MTUS2: variants seen among roughly 807,000 people sequenced by gnomAD.
MTUS2 encodes the protein microtubule-associated tumor suppressor candidate 2.
MTUS2 carries 40 observed loss-of-function variants against 114.1 expected under a neutral mutation model. The ratio of observed to expected loss-of-function variants is 0.35; its 90% confidence interval spans 0.27 to 0.46. The LOEUF (loss-of-function observed/expected upper bound fraction) is 0.46, where lower values mean the gene tolerates loss of function less well. Ranked by LOEUF, MTUS2 falls within the 20% of genes least tolerant of loss-of-function variation. The pLI, the probability that MTUS2 is intolerant of heterozygous loss-of-function variation, is 1.00. For missense variants in MTUS2, 1,679 were observed against 1,705.4 expected, an observed-to-expected ratio of 0.98 and a Z score of 0.27; for synonymous variants, 688 against 672.0, an observed-to-expected ratio of 1.02 and a Z score of -0.37.
chr13:29,277,753 A>G (rs960031191), intron 5 of MTUS2, among the ~76,000 whole-genome samples: 1 of 152,194 alleles, frequency 6.6e-6, no homozygotes, highest in Non-Finnish European at 1.5e-5. Context: ...CGCCACTTCC[A>G]GGCATGGCCC....
At chr13:29,333,285 C>T (rs1367163621) in intron 7 of MTUS2, among the ~76,000 whole-genome samples, 1 of 152,118 alleles carries the variant, frequency 6.6e-6, no homozygotes, top group East Asian at 1.9e-4. Context: ...GTAACCTCCA[C>T]CTCCTGGGTT....
chr13:28,903,714 C>T (rs1306822587), intron 2 of MTUS2, among the ~76,000 whole-genome samples: 5 of 151,470 alleles, frequency 3.3e-5, no homozygotes, highest in African/African-American at 4.8e-5. Context: ...AATAGTGCCG[C>T]AATAAACATG....
At chr13:29,237,111 C>G (rs1254995572) in intron 5 of MTUS2, among the ~76,000 whole-genome samples, 1 of 152,144 alleles carries the variant, frequency 6.6e-6, no homozygotes, top group Non-Finnish European at 1.5e-5. Context: ...ATCTGGCTTA[C>G]TTCTATTTTA....
At chr13:29,326,899 G>GA (rs1464821560) in intron 7 of MTUS2, among the ~76,000 whole-genome samples, 1 of 152,120 alleles carries the variant, frequency 6.6e-6, no homozygotes, top group Non-Finnish European at 1.5e-5. Flanking sequence ...AGTATCATTT[G>GA]AACCTGGGAG....
chr13:28,965,008 G>A (rs1007398659), intron 2 of MTUS2, among the ~76,000 whole-genome samples: 3 of 152,014 alleles, frequency 2.0e-5, no homozygotes, highest in Admixed American at 6.5e-5. Context: ...GATGAGCAGC[G>A]CAGTAATTGC....
chr13:29,311,274 G>A (rs573003899), intron 6 of MTUS2, among the ~76,000 whole-genome samples: 8 of 152,262 alleles, frequency 5.3e-5, no homozygotes, highest in Non-Finnish European at 1.2e-4. Flanking sequence ...GGAAAGGCGG[G>A]GTTGAGACCT....
chr13:29,127,669 T>TG (rs1200910960), intron 5 of MTUS2, among the ~76,000 whole-genome samples: 1 of 152,226 alleles, frequency 6.6e-6, no homozygotes, highest in African/African-American at 2.4e-5. Context: ...CATATTCTGC[T>TG]GATTCTGTCT....
rs552766235 is a variant in MTUS2, at chr13:29,317,432, C to CTTTTTTTTTTTTT, written c.2807-7176_2807-7164dup. On this transcript the variant is annotated intron_variant, in intron 6 of 15. Transcript: ENST00000612955. ...GCTTGTGCGCGCGCTCTCTCTCTCTCTTTTTTTTTTTTTTTTTGAGACGGA... is the reference window on the plus strand; with the variant it reads ...GCTTGTGCGCGCGCTCTCTCTCTCTCTTTTTTTTTTTTTTTTTTTTTTTTTTTTTTGAGACGGA... Among the ~76,000 whole-genome samples, 165 of 51,662 alleles carry CTTTTTTTTTTTTT rather than the reference C, an allele frequency of 3.2e-3. 28 individuals are homozygous for CTTTTTTTTTTTTT. Among genetic ancestry groups the CTTTTTTTTTTTTT allele is most frequent in the African/African-American group, 0.011 (165 of 15,250 alleles). The allele number at this position is 51,662 out of a possible 152,430, so 33.9% of individuals were successfully genotyped here.
intron 8 of MTUS2, among the ~76,000 whole-genome samples, chr13:29,437,070 G>A (rs1877466513): frequency 6.6e-6 from 1 of 152,308 alleles, no homozygotes; most frequent in South Asian, 2.1e-4. Flanking sequence ...GGCTGGGAGT[G>A]TGGACTGATT....
chr13:29,461,821 G>T (rs1879517326), intron 9 of MTUS2, among the ~76,000 whole-genome samples: 1 of 152,198 alleles, frequency 6.6e-6, no homozygotes, highest in African/African-American at 2.4e-5. Flanking sequence ...GAAGAGGTTG[G>T]AATTATTTAA....
At chr13:29,139,087 C>G (rs1892107375) in intron 5 of MTUS2, among the ~76,000 whole-genome samples, 1 of 150,580 alleles carries the variant, frequency 6.6e-6, no homozygotes, top group Non-Finnish European at 1.5e-5. Flanking sequence ...TTTCCACGTT[C>G]CCAGCCTTAT....
intron 5 of MTUS2, among the ~76,000 whole-genome samples, chr13:29,196,481 A>G (rs764004053): frequency 6.6e-5 from 10 of 152,034 alleles, no homozygotes; most frequent in Admixed American, 3.3e-4. Context: ...CAAATTTACT[A>G]TCTTAACCAT....
At chr13:29,244,541 A>T (rs1334756857) in intron 5 of MTUS2, among the ~76,000 whole-genome samples, 1 of 152,182 alleles carries the variant, frequency 6.6e-6, no homozygotes, top group Non-Finnish European at 1.5e-5. Flanking sequence ...GGTGAGTGGC[A>T]TGAACACACT....
intron 2 of MTUS2, among the ~76,000 whole-genome samples, 153 bp downstream of exon 2, chr13:28,840,003 A>G (rs1875362606): frequency 6.7e-6 from 1 of 149,614 alleles, no homozygotes; most frequent in African/African-American, 2.5e-5. Context: ...GAAAGAAGTC[A>G]ATGAAAATAA....
chr13:29,444,415 G>T (rs1201273450), intron 9 of MTUS2, among the ~76,000 whole-genome samples: 3 of 151,958 alleles, frequency 2.0e-5, no homozygotes, highest in African/African-American at 7.3e-5. Flanking sequence ...TGGGCAACAA[G>T]AGCAAAACTC....
chr13:29,431,918 C>T (rs1055283271), intron 8 of MTUS2, among the ~76,000 whole-genome samples: 1 of 151,674 alleles, frequency 6.6e-6, no homozygotes, highest in Non-Finnish European at 1.5e-5. Context: ...GATCATGGCT[C>T]ACTATAAACT....
chr13:29,158,923 C>A (rs1449890439), intron 5 of MTUS2, among the ~76,000 whole-genome samples: 1 of 152,154 alleles, frequency 6.6e-6, no homozygotes, highest in Non-Finnish European at 1.5e-5. Context: ...TGGCATAAAC[C>A]AGCAGAGCCC....
chr13:29,358,759 G>C (rs375645096), intron 7 of MTUS2, among the ~76,000 whole-genome samples: 3 of 152,106 alleles, frequency 2.0e-5, no homozygotes, highest in African/African-American at 7.2e-5. Context: ...CTAGAGCAGC[G>C]GTAGCCAGGG....
chr13:29,440,770 T>A (rs1209237228), intron 9 of MTUS2, among the ~76,000 whole-genome samples: 1 of 152,126 alleles, frequency 6.6e-6, no homozygotes, highest in Non-Finnish European at 1.5e-5. Context: ...CTCCATCTAG[T>A]GTGGTCCTGG....
Sources: gnomAD v4.1 joint callset for allele counts (sites outside exome capture counted in the v4.1 genomes callset) on GRCh38, gnomAD v4.1.1 for gene constraint, MANE v1.5 for transcripts, NCBI Gene and HGNC (gene_info 2026-07-23, HGNC 2026-07-21) for gene names.